Variants in DACH1 observed in about 807,000 individuals in gnomAD.
DACH1 encodes dachshund homolog 1.
Under a neutral mutation model 54.2 loss-of-function variants are expected in DACH1, and 12 were observed. The ratio of observed to expected loss-of-function variants is 0.22; its 90% CI spans 0.14 to 0.36. The LOEUF (loss-of-function observed/expected upper bound fraction) is 0.36. Among genes scored for constraint, DACH1 ranks in the 10% least tolerant of loss-of-function variants. The pLI is 1.00. For synonymous variants in DACH1, 386 were observed against 366.2 expected (o/e 1.05, Z -0.62); for missense variants, 805 against 929.8 (o/e 0.87, Z 1.75).
intron 1 of DACH1, among the ~76,000 whole-genome samples, chr13:71,808,731 T>C (rs1202254120): frequency 6.6e-6 from 1 of 152,154 alleles, no homozygotes; most frequent in Non-Finnish European, 1.5e-5. Flanking sequence ...TTATTCAAGG[T>C]AAAACTTTCA....
chr13:71,494,034 C>T (rs567647557), intron 6 of DACH1, among the ~76,000 whole-genome samples: 10 of 152,194 alleles, frequency 6.6e-5, no homozygotes, highest in Admixed American at 5.2e-4. Context: ...ACTCCCAATA[C>T]CTTTGATGGC....
At chr13:71,541,925 G>GC in intron 6 of DACH1, among the ~76,000 whole-genome samples, 2 of 105,836 alleles carry the variant, frequency 1.9e-5, no homozygotes, top group East Asian at 5.5e-4. Context: ...TATTTGCCCA[G>GC]TTTTTTTTTT....
intron 2 of DACH1, among the ~76,000 whole-genome samples, chr13:71,670,177 C>T (rs1880124455): frequency 6.6e-6 from 1 of 152,108 alleles, no homozygotes; most frequent in South Asian, 2.1e-4. Context: ...ATAAAAAGCT[C>T]TCCCATTAAT....
chr13:71,783,684 G>T (rs1359252143), intron 1 of DACH1, among the ~76,000 whole-genome samples: 2 of 152,034 alleles, frequency 1.3e-5, no homozygotes, highest in Non-Finnish European at 2.9e-5. Context: ...TAAGAGGAGT[G>T]ATTGAAATTT....
At chr13:71,826,003 G>T (rs1445315989) in intron 1 of DACH1, among the ~76,000 whole-genome samples, 1 of 152,054 alleles carries the variant, frequency 6.6e-6, no homozygotes, top group African/African-American at 2.4e-5. Context: ...GAGATGGAAA[G>T]AATTCACACC....
At chr13:71,527,526 T>C (rs552973979) in intron 6 of DACH1, among the ~76,000 whole-genome samples, 2 of 152,168 alleles carry the variant, frequency 1.3e-5, no homozygotes, top group Non-Finnish European at 2.9e-5. Context: ...TAGCATCTTA[T>C]TTGAGTCTAA....
At chr13:71,533,098 A>G (rs1882521687) in intron 6 of DACH1, among the ~76,000 whole-genome samples, 1 of 150,954 alleles carries the variant, frequency 6.6e-6, no homozygotes, top group Non-Finnish European at 1.5e-5. Context: ...TTAAGACTTA[A>G]AAAAAAAACA....
intron 7 of DACH1, among the ~76,000 whole-genome samples, chr13:71,480,743 T>G (rs532485825): frequency 6.6e-6 from 1 of 152,178 alleles, no homozygotes; most frequent in Non-Finnish European, 1.5e-5. Flanking sequence ...GAATTTCTAC[T>G]CCAGCTTGAC....
chr13:71,621,615 T>A (rs1593999552), intron 3 of DACH1, among the ~76,000 whole-genome samples: 1 of 151,896 alleles, frequency 6.6e-6, no homozygotes, highest in Non-Finnish European at 1.5e-5. Context: ...TAGAAAAAAA[T>A]CATTTACCAC....
intron 6 of DACH1, among the ~76,000 whole-genome samples, chr13:71,539,641 C>T (rs561357802): frequency 6.6e-6 from 1 of 152,108 alleles, no homozygotes; most frequent in Admixed American, 6.6e-5. Context: ...GTATTTCTGG[C>T]TAATTCTCTT....
At chr13:71,592,494 C>CAAAAAAAAAAAAAAAAAAAA (rs575364116) in intron 3 of DACH1, among the ~76,000 whole-genome samples, 12 of 32,784 alleles carry the variant, frequency 3.7e-4, no homozygotes, top group African/African-American at 8.0e-4. Context: ...GACTCTATCT[C>CAAAAAAAAAAAAAAAAAAAA]AAAAAAAAAA....
chr13:71,517,998 C>A (rs1881290008), intron 6 of DACH1, among the ~76,000 whole-genome samples: 1 of 151,814 alleles, frequency 6.6e-6, no homozygotes, highest in African/African-American at 2.4e-5. Context: ...CTCATTGTAA[C>A]ACCAACTACT....
chr13:71,480,847 CA>C (rs1473723285), intron 7 of DACH1, among the ~76,000 whole-genome samples: 1 of 152,170 alleles, frequency 6.6e-6, no homozygotes, highest in Non-Finnish European at 1.5e-5. Flanking sequence ...TGACCACATA[CA>C]AATTATTCCA....
intron 1 of DACH1, among the ~76,000 whole-genome samples, chr13:71,812,037 T>C (rs1434725332): frequency 6.6e-6 from 1 of 152,190 alleles, no homozygotes. Flanking sequence ...TCTACAGCTG[T>C]TTAAAACTGT....
chr13:71,862,903 T>A (rs1016869112), intron 1 of DACH1, among the ~76,000 whole-genome samples: 1 of 152,116 alleles, frequency 6.6e-6, no homozygotes, highest in Admixed American at 6.5e-5. Context: ...GATATGTGCA[T>A]GTATAAATTA....
chr13:71,866,566 GGCCGCC>G lies in DACH1; in HGVS notation c.198_203del (p.Ala67_Ala68del). 8.0e-7 allele frequency: 1 copy of G among 1,256,288 alleles called. No homozygotes were observed. Among genetic ancestry groups the G allele is most frequent in the Non-Finnish European group, 1.0e-6 (1 of 995,758 alleles). The allele number at this position is 1,256,288 out of a possible 1,614,324, so 77.8% of individuals were successfully genotyped here. ...CGCCGCCGCCGGTAGAGGTGACTGT[GGCCGCC>G]GCCGCCGCCGCCGAAGCGATGGGCT... On this transcript the variant is annotated inframe_deletion, in exon 1 of 11. Transcript: ENST00000613252.
At chr13:71,645,543 A>G (rs1878205676) in intron 2 of DACH1, among the ~76,000 whole-genome samples, 1 of 152,196 alleles carries the variant, frequency 6.6e-6, no homozygotes, top group South Asian at 2.1e-4. Context: ...TCTTTGTTCC[A>G]TTAATCAGAT....
chr13:71,792,293 A>C (rs1320249974), intron 1 of DACH1, among the ~76,000 whole-genome samples: 2 of 152,104 alleles, frequency 1.3e-5, no homozygotes, highest in Non-Finnish European at 2.9e-5. Flanking sequence ...AAAGCAGAAC[A>C]AATTGTGTAT....
chr13:71,717,740 T>C (rs1364154522), intron 1 of DACH1, among the ~76,000 whole-genome samples: 2 of 152,116 alleles, frequency 1.3e-5, no homozygotes, highest in Non-Finnish European at 2.9e-5. Flanking sequence ...AATGATAGCC[T>C]GTATCTTGAT....
Sources: gnomAD v4.1 joint callset for allele counts (sites outside exome capture counted in the v4.1 genomes callset) on GRCh38, gnomAD v4.1.1 for gene constraint, MANE v1.5 for transcripts, NCBI Gene and HGNC (gene_info 2026-07-23, HGNC 2026-07-21) for gene names.